FSD1L: variants seen among roughly 807,000 people sequenced by gnomAD.
FSD1L encodes the protein fibronectin type III and SPRY domain containing 1 like, also known as FSD1-like protein.
Under a neutral mutation model 71.6 loss-of-function variants are expected in FSD1L, and 45 were observed. The ratio of observed to expected loss-of-function variants is 0.63; its 90% CI spans 0.49 to 0.81. The LOEUF (loss-of-function observed/expected upper bound fraction) is 0.81, where lower values mean the gene tolerates loss of function less well. Among genes scored for constraint, FSD1L ranks in the 30% least tolerant of loss-of-function variants. FSD1L has a pLI of 0.00. For missense variants in FSD1L, 561 were observed against 618.1 expected, an observed-to-expected ratio of 0.91 and a Z score of 0.98; for synonymous variants, 197 against 207.2, an observed-to-expected ratio of 0.95 and a Z score of 0.42.
chr9:105,462,032 A>G (rs1486841725), intron 2 of FSD1L, among the ~76,000 whole-genome samples: 5 of 151,984 alleles, frequency 3.3e-5, no homozygotes, highest in Non-Finnish European at 2.9e-5. Context: ...AGTTACAGCT[A>G]TCTCCAGATT....
At chr9:105,529,427 G>C (rs1411756322) in intron 10 of FSD1L, among the ~76,000 whole-genome samples, 1 of 152,126 alleles carries the variant, frequency 6.6e-6, no homozygotes, top group Non-Finnish European at 1.5e-5. Context: ...TATACACCAT[G>C]GAATACTACA....
rs563891093 is a variant in FSD1L at position 105,489,882 on chromosome 9, G to A, written c.586+5380G>A. 2.2e-3 allele frequency among the ~76,000 whole-genome samples: 333 copies of A among 152,198 alleles called. 1 individual carries two copies. Among genetic ancestry groups the A allele is most frequent in the Non-Finnish European group, 3.4e-3 (229 of 67,976 alleles). ...GTATTCCATGGTGTATATGTGCTAC[G>A]TTTTCTTAATCCAGTCTATCATTGT... On this transcript the variant is annotated intron_variant, in intron 7 of 13. Transcript: ENST00000481272.
chr9:105,444,302 C>T (rs1264404334), upstream of FSD1L, among the ~76,000 whole-genome samples: 1 of 152,198 alleles, frequency 6.6e-6, no homozygotes, highest in African/African-American at 2.4e-5. Flanking sequence ...AAGGGAATTA[C>T]TACTATTCTG....
At position 105,543,846 on chromosome 9, in the gene FSD1L, G is replaced by A. The variant is rs1268847764; in HGVS notation, c.1468-2512G>A. 5.3e-5 allele frequency among the ~76,000 whole-genome samples: 8 copies of A among 152,120 alleles called. No individual in the cohort carries two copies. In the East Asian group the frequency reaches 1.5e-3, roughly 29 times the overall value. ...CCAGTCTATCATTGATGGACATTTG[G>A]GTTGGTTCCAAGTCTTTGCTATTGT... On this transcript the variant is annotated intron_variant, in intron 13 of 13. Transcript: ENST00000481272.
chr9:105,522,999 G>A lies in FSD1L; in HGVS notation c.1025+10063G>A, dbSNP rs1039236941. 22 of 1,614,056 alleles carry A rather than the reference G, an allele frequency of 1.4e-5. No homozygotes were observed. In the African/African-American group the frequency reaches 1.9e-4, roughly 14 times the overall value. On this transcript the variant is annotated intron_variant, in intron 10 of 13. Transcript: ENST00000481272. ...AGATAGTCATTCGGATTCTTTCAGC[G>A]CTTTCCAATATGATGGCCAAAAATT...
chr9:105,472,122 G>A (rs1280254850), intron 5 of FSD1L, 117 bp downstream of exon 5: 1 of 1,218,794 alleles, frequency 8.2e-7, no homozygotes, highest in Non-Finnish European at 1.1e-6. Context: ...TAAAGCCTTG[G>A]GGTTTCTTGA....
At chr9:105,523,402 G>C (rs1835308481) in intron 10 of FSD1L, 1 of 1,604,250 alleles carries the variant, frequency 6.2e-7, no homozygotes, top group African/African-American at 1.3e-5. Context: ...GTGATGGCAG[G>C]AGGTACTCTG....
chr9:105,446,812 G>C (rs866564847), upstream of FSD1L, among the ~76,000 whole-genome samples: 1 of 150,618 alleles, frequency 6.6e-6, no homozygotes, highest in Non-Finnish European at 1.5e-5. Flanking sequence ...AACTGGTACA[G>C]AATAGGTACT....
chr9:105,481,808 C>T (rs958195876), intron 6 of FSD1L, among the ~76,000 whole-genome samples: 3 of 150,388 alleles, frequency 2.0e-5, no homozygotes, highest in African/African-American at 7.3e-5. Flanking sequence ...GGTCTTGCTC[C>T]ATCACCCAGG....
intron 10 of FSD1L, chr9:105,523,071 G>T: frequency 6.2e-7 from 1 of 1,614,186 alleles, no homozygotes; most frequent in Non-Finnish European, 8.5e-7. Context: ...GTCCTCTGCT[G>T]ATGTGGATTC....
Position 105,512,270 on chromosome 9 carries a change from G to C in FSD1L, c.896-537G>C, listed in dbSNP as rs1834438823. On this transcript the variant is annotated intron_variant, in intron 9 of 13. Coordinates refer to ENST00000481272, the MANE Select transcript of FSD1L (RefSeq NM_001145313.3). ...TCTTCGTCATGTAAATTATCTATCA[G>C]CTGGGCCAGTTTCCTTGTTCTGCCA... 2.6e-5 allele frequency among the ~76,000 whole-genome samples: 4 copies of C among 151,832 alleles called. No homozygotes were observed. In the South Asian group the frequency reaches 6.2e-4, roughly 24 times the overall value.
chr9:105,526,124 A>G, intron 10 of FSD1L: 2 of 1,557,872 alleles, frequency 1.3e-6, no homozygotes, highest in Non-Finnish European at 1.8e-6. Context: ...CCCCTTTTTG[A>G]TGGTGCTATT....
chr9:105,498,190 T>TTTATTATTATTATTATTA (rs61620098), intron 7 of FSD1L, among the ~76,000 whole-genome samples: 52 of 143,412 alleles, frequency 3.6e-4, no homozygotes, highest in Non-Finnish European at 5.9e-4. Context: ...TTGCTTTGGC[T>TTTATTATTATTATTATTA]TTATTATTAT....
rs140263699 is a variant in FSD1L, at chr9:105,537,505, A to G, written c.1379-1758A>G. ...CTCCTTTCCCATACTCTGTGAGTCCATAAAGGTAGTAGTGAGATACAGTTT... is the reference window on the plus strand; with the variant it reads ...CTCCTTTCCCATACTCTGTGAGTCCGTAAAGGTAGTAGTGAGATACAGTTT... On this transcript the variant is annotated intron_variant, in intron 12 of 13. Transcript: ENST00000481272. Among the ~76,000 whole-genome samples the G allele has an allele frequency of 6.9e-4, 105 of 152,126 alleles. 1 individual carries two copies. The highest frequency in any genetic ancestry group is 2.5e-3 in the African/African-American group (104 of 41,486).
chr9:105,487,400 T>C (rs1401120229), intron 7 of FSD1L, among the ~76,000 whole-genome samples: 2 of 151,960 alleles, frequency 1.3e-5, no homozygotes, highest in African/African-American at 4.8e-5. Context: ...TGTATTGTTA[T>C]ACTGCTGCAA....
At chr9:105,517,692 G>C (rs1427259413) in intron 10 of FSD1L, among the ~76,000 whole-genome samples, 1 of 152,164 alleles carries the variant, frequency 6.6e-6, no homozygotes, top group Non-Finnish European at 1.5e-5. Context: ...ATTGGTACCA[G>C]CCACTGCAAA....
Position 105,522,394 on chromosome 9 carries a change from A to G in FSD1L, c.1025+9458A>G, listed in dbSNP as rs1362964439. 5 of 1,613,942 alleles carry G rather than the reference A, an allele frequency of 3.1e-6. No homozygotes were observed. The East Asian group carries it at 1.1e-4, about 36-fold the overall frequency. ...GAATTTCAGAAAGTTTCAGTTGACA[A>G]GTCATTTTCTAGAGGATGGAGTCGT... On this transcript the variant is annotated intron_variant, in intron 10 of 13. Transcript: ENST00000481272.
chr9:105,465,926 C>T (rs1022141316), intron 3 of FSD1L, among the ~76,000 whole-genome samples: 1 of 151,464 alleles, frequency 6.6e-6, no homozygotes, highest in Non-Finnish European at 1.5e-5. Flanking sequence ...GGATGGAGTG[C>T]AATGCCGCAG....
Position 105,452,665 on chromosome 9 carries a change from GCCTGCCTTCCTT to G in FSD1L, c.15+4434_15+4445del, listed in dbSNP as rs776550953. On this transcript the variant is annotated intron_variant, in intron 1 of 13. Transcript: ENST00000481272. ...TGCCTGCCTGCCTGCCTGCCTGCCT[GCCTGCCTTCCTT>G]CCTTCCTTCCTTCCTTCCTTCCTTC... is the stretch of plus-strand genomic sequence containing the variant. Among the ~76,000 whole-genome samples, 99 of 85,882 alleles carry G rather than the reference GCCTGCCTTCCTT, an allele frequency of 1.2e-3. No homozygotes were observed. The Middle Eastern group carries it at 0.018, about 16-fold the overall frequency. 56.3% of individuals were successfully genotyped at this position (85,882 alleles called of 152,430 possible).
Sources: gnomAD v4.1 joint callset for allele counts (sites outside exome capture counted in the v4.1 genomes callset) on GRCh38, gnomAD v4.1.1 for gene constraint, MANE v1.5 for transcripts, NCBI Gene and HGNC (gene_info 2026-07-23, HGNC 2026-07-21) for gene names.